LYPD5: variants seen among roughly 807,000 people sequenced by gnomAD.
LYPD5 encodes ly6/PLAUR domain-containing protein 5.
In LYPD5, 21 loss-of-function variants were observed where a neutral mutation model predicts 19.1. That is an observed-to-expected ratio of 1.10 (90% CI 0.78 to 1.58). LYPD5 has a LOEUF of 1.58. LYPD5 is among the 40% of genes most tolerant of loss of function. The pLI is 0.00. For missense variants in LYPD5, 287 were observed against 329.8 expected (o/e 0.87, Z 1.00); for synonymous variants, 128 against 142.7 (o/e 0.90, Z 0.74).
Position 43,797,784 on chromosome 19 carries a change from G to A in LYPD5, c.563C>T (p.Ser188Phe), listed in dbSNP as rs1970154075. The change falls in exon 5 of 5, where the codon TCC becomes TTC. Residue 188 changes from serine to phenylalanine, a missense_variant. Physicochemically the swap from Ser to Phe is radical, Grantham distance 155. Transcript: ENST00000377950. ...PVYIRTCHRP[S>F]CTTEGTTSPW... ...GCTGGTGGTGCCCTCGGTGGTGCAG[G>A]AGGGCCGGTGGCAGGTTCTGATGTA... 6.2e-7 allele frequency: 1 copy of A among 1,613,946 alleles called. No homozygotes were observed. Among genetic ancestry groups the A allele is most frequent in the Non-Finnish European group, 8.5e-7 (1 of 1,179,904 alleles).
At position 43,798,439 on chromosome 19, in the gene LYPD5, C is replaced by T. The variant is rs368137787; in HGVS notation, c.517+16G>A. ...ATATCCCTTGCCCAGGCCCTTCCAC[C>T]CTTCCAGCCCCTTACCAACTGTCAT... is the stretch of plus-strand genomic sequence containing the variant. On this transcript the variant is annotated intron_variant, in intron 4 of 4. Transcript: ENST00000377950. The T allele has an allele frequency of 3.7e-6, 6 of 1,603,874 alleles. No individual in the cohort carries two copies. Among genetic ancestry groups the T allele is most frequent in the Non-Finnish European group, 4.2e-6 (5 of 1,179,944 alleles).
At chr19:43,801,181 T>G (rs1305843276) in intron 1 of LYPD5, among the ~76,000 whole-genome samples, 3 of 152,076 alleles carry the variant, frequency 2.0e-5, no homozygotes, top group Non-Finnish European at 4.4e-5. Flanking sequence ...ATGGTTGTGC[T>G]ACTACACCTT....
Position 43,797,324 on chromosome 19 carries a change from C to T in LYPD5, c.*267G>A. 1 of 438,586 alleles carries T rather than the reference C, an allele frequency of 2.3e-6. No individual in the cohort carries two copies. Among genetic ancestry groups the T allele is most frequent in the Non-Finnish European group, 4.1e-6 (1 of 245,306 alleles). The allele number at this position is 438,586 out of a possible 1,614,324, so 27.2% of individuals were successfully genotyped here. A position where few individuals can be genotyped will look rare whatever the true frequency, so the allele number is the denominator to read the frequency against. ...GGGTGCCTGGTGCCTGGCTGGTGCTCAGTGAGTAACAGCTGTGATCAGAAT... is the reference window on the plus strand; with the variant it reads ...GGGTGCCTGGTGCCTGGCTGGTGCTTAGTGAGTAACAGCTGTGATCAGAAT... On this transcript the variant is annotated 3_prime_UTR_variant, in exon 5 of 5. Coordinates refer to ENST00000377950, the MANE Select transcript of LYPD5 (RefSeq NM_001031749.3).
At chr19:43,815,105 T>C (rs1332909096) in intron 1 of LYPD5, among the ~76,000 whole-genome samples, 5 of 152,226 alleles carry the variant, frequency 3.3e-5, no homozygotes, top group Admixed American at 6.5e-5. Context: ...TGCTGATTCA[T>C]GTGGCTCAGG....
intron 2 of LYPD5, among the ~76,000 whole-genome samples, chr19:43,799,265 G>A (rs1448025938): frequency 1.3e-5 from 2 of 151,870 alleles, no homozygotes; most frequent in Non-Finnish European, 2.9e-5. Flanking sequence ...TGGGGCGGAG[G>A]ACGGAGCCTC....
chr19:43,799,029 C>A, intron 2 of LYPD5, 41 bp from the exon 3 acceptor site: 1 of 1,517,108 alleles, frequency 6.6e-7, no homozygotes, highest in South Asian at 1.3e-5. Context: ...TTCCCGAAAC[C>A]CTTCTCCCTC....
chr19:43,815,557 A>G (rs1970364792), intron 1 of LYPD5, among the ~76,000 whole-genome samples: 1 of 151,944 alleles, frequency 6.6e-6, no homozygotes. Context: ...CCTGGGCAAT[A>G]GAGCAAGACT....
chr19:43,810,831 C>T (rs1184602512), intron 1 of LYPD5, among the ~76,000 whole-genome samples: 4 of 151,702 alleles, frequency 2.6e-5, no homozygotes, highest in African/African-American at 9.7e-5. Flanking sequence ...GGTTTCACCA[C>T]GTTGGCCAGG....
At chr19:43,816,315 G>A (rs1030741684) in intron 1 of LYPD5, among the ~76,000 whole-genome samples, 1 of 152,172 alleles carries the variant, frequency 6.6e-6, no homozygotes, top group East Asian at 1.9e-4. Context: ...GGCTTCTACA[G>A]TGATTGCCAC....
At chr19:43,806,883 C>A (rs567610860), upstream of LYPD5, among the ~76,000 whole-genome samples, 62 of 152,328 alleles carry the variant, frequency 4.1e-4, 1 homozygote, top group Middle Eastern at 0.017. Context: ...CTCTGGTGCT[C>A]AAAAGGTTGA....
At chr19:43,799,133 T>A in intron 2 of LYPD5, 145 bp from the exon 3 acceptor site, 17 of 726,928 alleles carry the variant, frequency 2.3e-5, no homozygotes, top group Non-Finnish European at 3.1e-5. Context: ...CCCCCAGACC[T>A]TTTCCCCCGA....
chr19:43,798,318 CCCTCAGACCAGGGTCATGCCTCCCA>C (rs1970165543), intron 4 of LYPD5, 112 bp downstream of exon 4: 1 of 1,122,468 alleles, frequency 8.9e-7, no homozygotes, highest in African/African-American at 1.5e-5. Flanking sequence ...CAAACCTTCT[CCCTCAGACCAGGGTCATGCCTCCCA>C]CCTCAGAGCA....
chr19:43,803,564 G>GCCT (rs1970245871), upstream of LYPD5, among the ~76,000 whole-genome samples: 1 of 152,080 alleles, frequency 6.6e-6, no homozygotes, highest in Non-Finnish European at 1.5e-5. Context: ...GACCAAAAGA[G>GCCT]CCTTAATGGT....
Position 43,797,692 on chromosome 19 carries a change from T to A in LYPD5, c.655A>T (p.Thr219Ser). 6.2e-7 allele frequency: 1 copy of A among 1,613,496 alleles called. No homozygotes were observed. The highest frequency in any genetic ancestry group is 8.5e-7 in the Non-Finnish European group (1 of 1,179,828). ...EGYLCNRKSM[T>S]QPFTSASATT... Reference sequence around the variant, plus strand: ...GCTGAAGCACTGGTGAAGGGCTGGGTCATGGATTTCCTGTTGCAGAGGTAC... The same window carrying A: ...GCTGAAGCACTGGTGAAGGGCTGGGACATGGATTTCCTGTTGCAGAGGTAC... Residue 219 changes from threonine to serine, a missense_variant, in exon 5 of 5, where the codon ACC becomes TCC. By Grantham distance (58) the Thr-to-Ser change is moderately conservative. Coordinates refer to ENST00000377950, the MANE Select transcript of LYPD5 (RefSeq NM_001031749.3).
At chr19:43,802,590 G>A, upstream of LYPD5, 3 of 575,246 alleles carry the variant, frequency 5.2e-6, no homozygotes, top group Admixed American at 3.0e-5. Flanking sequence ...GGGTCTGAGG[G>A]AGGAGAGAAC....
At chr19:43,801,540 T>C (rs1013856607) in intron 1 of LYPD5, among the ~76,000 whole-genome samples, 4 of 152,164 alleles carry the variant, frequency 2.6e-5, no homozygotes, top group South Asian at 4.2e-4. Context: ...CATATATACA[T>C]AGAGATAAAT....
intron 3 of LYPD5, 84 bp from the exon 4 acceptor site, chr19:43,798,685 C>T: frequency 3.8e-6 from 6 of 1,590,476 alleles, no homozygotes; most frequent in Non-Finnish European, 5.1e-6. Context: ...GAGCCCGCGC[C>T]TAGCACGTCT....
chr19:43,812,377 CAA>C (rs749607369), intron 1 of LYPD5, among the ~76,000 whole-genome samples: 2,687 of 104,552 alleles, frequency 0.026, 35 homozygotes, highest in Non-Finnish European at 0.031. Context: ...ATCTATCTAT[CAA>C]TCTATCATCT....
At position 43,812,986 on chromosome 19, in the gene LYPD5, C is replaced by G. The variant is rs77685371; in HGVS notation, c.-66+7554G>C. On this transcript the variant is annotated intron_variant, in intron 1 of 4. Coordinates refer to the LYPD5 transcript ENST00000414615. ...CCCAGGCCCTGTTTTAGCTGGTCCT[C>G]AATTAGGTCTGGTGTCTGAGCCCCA... Among the ~76,000 whole-genome samples, 1,417 of 152,278 alleles carry G rather than the reference C, an allele frequency of 9.3e-3. 18 individuals are homozygous for G. The highest frequency in any genetic ancestry group is 0.032 in the African/African-American group (1,342 of 41,554).
Sources: allele counts gnomAD v4.1 joint callset (sites outside exome capture counted in the v4.1 genomes callset), GRCh38; gene constraint gnomAD v4.1.1; transcripts MANE v1.5; gene names NCBI Gene and HGNC (gene_info 2026-07-23, HGNC 2026-07-21).